Variants in FOXJ1 observed in about 807,000 individuals in gnomAD.
The protein encoded by FOXJ1 is forkhead box J1.
In FOXJ1, 8 loss-of-function variants were observed where a neutral mutation model predicts 29.3. That is an observed-to-expected ratio of 0.27 (90% confidence interval 0.16 to 0.49). The LOEUF (loss-of-function observed/expected upper bound fraction) is 0.49, where lower values mean the gene tolerates loss of function less well. FOXJ1 is among the 20% of genes least tolerant of loss of function. The probability of loss-of-function intolerance (pLI) is 0.98; values close to 1 mark genes in which losing one functional copy is unlikely to be tolerated. For synonymous variants in FOXJ1, 280 were observed against 278.7 expected (o/e 1.00, Z -0.05); for missense variants, 539 against 595.5 (o/e 0.91, Z 0.99).
rs780778301 is a variant in FOXJ1 at position 76,138,151 on chromosome 17, G to A, written c.499-31C>T. The A allele has an allele frequency of 8.1e-6, 13 of 1,609,462 alleles. No homozygotes were observed. In the Admixed American group the frequency reaches 1.0e-4, roughly 12 times the overall value. On this transcript the variant is annotated intron_variant, in intron 2 of 2. Coordinates refer to ENST00000322957, the MANE Select transcript of FOXJ1 (RefSeq NM_001454.4). ...TGCAGGGAGAGAGCAAGAGAGAGAG[G>A]AACCGCTAGGTCAGTGGGGACGGGG...
chr17:76,138,192 T>TG, intron 2 of FOXJ1, 72 bp from the exon 3 acceptor site: 1 of 1,502,228 alleles, frequency 6.7e-7, no homozygotes, highest in Non-Finnish European at 9.2e-7. Context: ...AAATGGCACC[T>TG]GGCGCTGCTG....
Position 76,137,336 on chromosome 17 carries a change from G to A in FOXJ1, c.*17C>T. 1 of 1,468,822 alleles carries A rather than the reference G, an allele frequency of 6.8e-7. No homozygotes were observed. The highest frequency in any genetic ancestry group is 1.4e-5 in the African/African-American group (1 of 71,382). The allele number at this position is 1,468,822 out of a possible 1,614,324, so 91.0% of individuals were successfully genotyped here. On this transcript the variant is annotated 3_prime_UTR_variant, in exon 3 of 3. Coordinates refer to ENST00000322957, the MANE Select transcript of FOXJ1 (RefSeq NM_001454.4). This position sits in a 1 kb window ranked among gnomAD's most constrained non-coding sequence, Gnocchi z 9.5. ...CTGACTTGGGCACTGTCCAGAGGTG[G>A]GGCAGGGCCTGGCCTCTTACAAGAA...
At position 76,139,813 on chromosome 17, in the gene FOXJ1, T is replaced by C. The variant is rs369945060; in HGVS notation, c.498+85A>G. 2.1e-4 allele frequency: 305 copies of C among 1,466,030 alleles called. 2 individuals carry two copies. In the African/African-American group the frequency reaches 3.4e-3, roughly 16 times the overall value. The allele number at this position is 1,466,030 out of a possible 1,614,324, so 90.8% of individuals were successfully genotyped here. A position where few individuals can be genotyped will look rare whatever the true frequency, so the allele number is the denominator to read the frequency against. ...GCCGCACCGCAGAGCCTACTTGGCC[T>C]GCAGATTTGGGATATGAATCCAGTG... is the stretch of plus-strand genomic sequence containing the variant. On this transcript the variant is annotated intron_variant, in intron 2 of 2. Coordinates refer to ENST00000322957, the MANE Select transcript of FOXJ1 (RefSeq NM_001454.4). This position sits in a 1 kb window ranked among gnomAD's most constrained non-coding sequence, Gnocchi z 6.6.
Position 76,140,430 on chromosome 17 carries a change from C to A in FOXJ1, c.-35G>T. The A allele has an allele frequency of 7.2e-7, 1 of 1,393,446 alleles. No homozygotes were observed. 86.3% of individuals were successfully genotyped at this position (1,393,446 alleles called of 1,614,324 possible). ...GACTCTCCGAGGGGGCGGTCAGCAT[C>A]CACGGGCTGAGCCGGGGGTGGCCCG... On this transcript the variant is annotated 5_prime_UTR_variant, in exon 2 of 3. Transcript: ENST00000322957. This position sits in a 1 kb window ranked among gnomAD's most constrained non-coding sequence, Gnocchi z 8.0.
chr17:76,139,068 G>C lies in FOXJ1; in HGVS notation c.498+830C>G, dbSNP rs1050082938. Among the ~76,000 whole-genome samples the C allele has an allele frequency of 6.6e-6, 1 of 152,186 alleles. No individual in the cohort carries two copies. Among genetic ancestry groups the C allele is most frequent in the African/African-American group, 2.4e-5 (1 of 41,434 alleles). On this transcript the variant is annotated intron_variant, in intron 2 of 2. Transcript: ENST00000322957. This position sits in a 1 kb window ranked among gnomAD's most constrained non-coding sequence, Gnocchi z 6.6. ...TTGTCCAAAGCCTGCTGGGGGACAG[G>C]GGTCCTGGGCTGGGACGGCAGGGCA...
rs201514684 is a variant in FOXJ1 at position 76,138,038 on chromosome 17, A to T, written c.581T>A (p.Phe194Tyr). Residue 194 changes from phenylalanine to tyrosine, a missense_variant, in exon 3 of 3, where the codon TTC (phenylalanine) becomes TAC (tyrosine). Physicochemically the swap from Phe to Tyr is conservative, Grantham distance 22. Coordinates refer to ENST00000322957, the MANE Select transcript of FOXJ1 (RefSeq NM_001454.4). ...CGCGTACTGGGGGTCAATGCGCCAG[A>T]AGCCCCCCTTGCCTGGTTCGTCCTT... is the stretch of plus-strand genomic sequence containing the variant. ...REKDEPGKGG[F>Y]WRIDPQYAER... 3.7e-6 allele frequency: 6 copies of T among 1,613,804 alleles called. No individual in the cohort carries two copies. Among genetic ancestry groups the T allele is most frequent in the Non-Finnish European group, 5.1e-6 (6 of 1,180,020 alleles).
rs1270054584 is a variant in FOXJ1, at chr17:76,137,979, G to A, written c.640C>T (p.Arg214Ter). 1 of 1,603,474 alleles carries A rather than the reference G, an allele frequency of 6.2e-7. No homozygotes were observed. Among genetic ancestry groups the A allele is most frequent in the East Asian group, 2.2e-5 (1 of 44,672 alleles). The change falls in exon 3 of 3, where the codon CGA becomes TGA. Residue 214 changes from arginine (R) to a stop codon, truncating the protein, a stop_gained. Transcript: ENST00000322957. LOFTEE classifies it high-confidence loss of function. The surrounding 1 kb of genome is among the most constrained non-coding windows in gnomAD (Gnocchi z 9.5). ...GGGTGGATGTGGACAGGGGGCAGTC[G>A]CCGCTTCTTGAAAGCGCCGCTCAGT... Reference protein sequence around the residue: ...RLLSGAFKKRRLPPVHIHPAF... With the variant: ...RLLSGAFKKR
At chr17:76,138,244 G>GT in intron 2 of FOXJ1, 124 bp from the exon 3 acceptor site, 1 of 1,065,706 alleles carries the variant, frequency 9.4e-7, no homozygotes, top group Non-Finnish European at 1.4e-6. Flanking sequence ...AGGAGGGGGG[G>GT]ACAGACACAC....
At position 76,140,441 on chromosome 17, in the gene FOXJ1, G is replaced by C; in HGVS notation, c.-46C>G. The C allele has an allele frequency of 1.5e-6, 2 of 1,371,350 alleles. No homozygotes were observed. Among genetic ancestry groups the C allele is most frequent in the South Asian group, 1.7e-5 (1 of 60,242 alleles). 84.9% of individuals were successfully genotyped at this position (1,371,350 alleles called of 1,614,324 possible). ...GGGGCGGTCAGCATCCACGGGCTGAGCCGGGGGTGGCCCGCCGCGCTCTCT... is the reference window on the plus strand; with the variant it reads ...GGGGCGGTCAGCATCCACGGGCTGACCCGGGGGTGGCCCGCCGCGCTCTCT... On this transcript the variant is annotated 5_prime_UTR_variant, in exon 2 of 3. Transcript: ENST00000322957. The surrounding 1 kb of genome is among the most constrained non-coding windows in gnomAD (Gnocchi z 8.0).
At chr17:76,138,238 G>T (rs2068492782) in intron 2 of FOXJ1, 118 bp from the exon 3 acceptor site, 4 of 1,028,260 alleles carry the variant, frequency 3.9e-6, no homozygotes, top group Non-Finnish European at 5.5e-6. Context: ...GGGGAGAGGA[G>T]GGGGGGACAG....
At position 76,140,204 on chromosome 17, in the gene FOXJ1, C is replaced by T. The variant is rs772042573; in HGVS notation, c.192G>A (p.Gln64=). The change falls in exon 2 of 3, where the codon CAG becomes CAA. Residue 64 remains glutamine, a synonymous_variant. Coordinates refer to ENST00000322957, the MANE Select transcript of FOXJ1 (RefSeq NM_001454.4). The surrounding 1 kb of genome is among the most constrained non-coding windows in gnomAD (Gnocchi z 8.0). ...ACCCGGGCGCCGCTGAACCTGGCACCTGGTGGTAGCCGTGGGGGTCGGTGC... is the reference window on the plus strand; with the variant it reads ...ACCCGGGCGCCGCTGAACCTGGCACTTGGTGGTAGCCGTGGGGGTCGGTGC... ...PGGTDPHGYH[Q]VPGSAAPGSP... The T allele has an allele frequency of 1.4e-6, 2 of 1,447,560 alleles. No individual in the cohort carries two copies. The highest frequency in any genetic ancestry group is 2.6e-5 in the East Asian group (1 of 38,080). The allele number at this position is 1,447,560 out of a possible 1,614,324, so 89.7% of individuals were successfully genotyped here.
chr17:76,137,457 C>T lies in FOXJ1; in HGVS notation c.1162G>A (p.Glu388Lys), dbSNP rs1334421738. Residue 388 changes from glutamate to lysine, a missense_variant, in exon 3 of 3, where the codon GAG becomes AAG. Physicochemically the swap from Glu to Lys is moderately conservative, Grantham distance 56. This residue lies in a region of FOXJ1 where 302 missense variants were observed against 293.6 expected (regional missense o/e 1.03). Coordinates refer to ENST00000322957, the MANE Select transcript of FOXJ1 (RefSeq NM_001454.4). The surrounding 1 kb of genome is among the most constrained non-coding windows in gnomAD (Gnocchi z 9.5). The part of the protein sequence containing the change: ...ATSFLQHPWD[E>K]SGSGCLPPEP... ...GGGGGCAGGCAGCCACTGCCGCTCT[C>T]GTCCCAGGGGTGCTGCAGGAAGGAT... 46 of 1,559,806 alleles carry T rather than the reference C, an allele frequency of 2.9e-5. No individual in the cohort carries two copies. Among genetic ancestry groups the T allele is most frequent in the Non-Finnish European group, 3.7e-5 (43 of 1,155,164 alleles).
intron 2 of FOXJ1, among the ~76,000 whole-genome samples, chr17:76,138,573 G>A (rs931216712): frequency 1.3e-5 from 2 of 152,040 alleles, no homozygotes; most frequent in Admixed American, 6.6e-5. Flanking sequence ...GGAGAGGAAG[G>A]GGGAGAGAGA....
In FOXJ1 at chr17:76,140,239, G is replaced by A. The variant is rs750029084; in HGVS notation, c.157C>T (p.Pro53Ser). The change falls in exon 2 of 3, where the codon CCC becomes TCC. Residue 53 changes from proline (P) to serine (S), a missense_variant. By Grantham distance (74) the Pro-to-Ser change is moderately conservative. Coordinates refer to ENST00000322957, the MANE Select transcript of FOXJ1 (RefSeq NM_001454.4). The surrounding 1 kb of genome is among the most constrained non-coding windows in gnomAD (Gnocchi z 8.0). ...CCGTGGGGGTCGGTGCCCCCCGGGG[G>A]CAGGGCGGGGGCCTTGGCGTTGAGA... ...SILNAKAPAL[P>S]PGGTDPHGYH... 2.1e-6 allele frequency: 3 copies of A among 1,461,534 alleles called. No homozygotes were observed. In the East Asian group the frequency reaches 7.9e-5, roughly 38 times the overall value. The allele number at this position is 1,461,534 out of a possible 1,614,324, so 90.5% of individuals were successfully genotyped here.
Position 76,137,227 on chromosome 17 carries a change from T to C in FOXJ1, c.*126A>G. On this transcript the variant is annotated 3_prime_UTR_variant, in exon 3 of 3. Transcript: ENST00000322957. This position sits in a 1 kb window ranked among gnomAD's most constrained non-coding sequence, Gnocchi z 9.5. ...CTGGGGCTGGTGGCCATGTGGCCTC[T>C]GGGGCAAGCCTTGGAGCCCTGGCCC... 1.2e-6 allele frequency: 1 copy of C among 868,194 alleles called. No individual in the cohort carries two copies. The highest frequency in any genetic ancestry group is 1.7e-5 in the African/African-American group (1 of 57,642). The allele number at this position is 868,194 out of a possible 1,614,324, so 53.8% of individuals were successfully genotyped here.
Position 76,140,174 on chromosome 17 carries a change from G to A in FOXJ1, c.222C>T (p.Pro74=), listed in dbSNP as rs577135004. 3 of 1,458,938 alleles carry A rather than the reference G, an allele frequency of 2.1e-6. No individual in the cohort carries two copies. Among genetic ancestry groups the A allele is most frequent in the Admixed American group, 2.9e-5 (1 of 34,434 alleles). 90.4% of individuals were successfully genotyped at this position (1,458,938 alleles called of 1,614,324 possible). A position where few individuals can be genotyped will look rare whatever the true frequency, so the allele number is the denominator to read the frequency against. The change falls in exon 2 of 3, where the codon CCC becomes CCT. Residue 74 remains proline (P), a synonymous_variant. Coordinates refer to ENST00000322957, the MANE Select transcript of FOXJ1 (RefSeq NM_001454.4). The surrounding 1 kb of genome is among the most constrained non-coding windows in gnomAD (Gnocchi z 8.0). ...CCAGGCAGGCGGGGTCGGCCGCCAG[G>A]GGGGACCCGGGCGCCGCTGAACCTG... ...QVPGSAAPGS[P]LAADPACLGQ...
chr17:76,140,068 CG>C lies in FOXJ1; in HGVS notation c.327del (p.Asp110ThrfsTer11). 3 of 1,606,878 alleles carry C rather than the reference CG, an allele frequency of 1.9e-6. No individual in the cohort carries two copies. The highest frequency in any genetic ancestry group is 8.5e-7 in the Non-Finnish European group (1 of 1,179,766). On this transcript the variant is annotated frameshift_variant, in exon 2 of 3. Transcript: ENST00000322957. LOFTEE classifies it high-confidence loss of function. This position sits in a 1 kb window ranked among gnomAD's most constrained non-coding sequence, Gnocchi z 8.0. ...GGATTGGTGGCGTAGTCCACGTCGTCGGGGGGTGGGGCCTGCAGCCCCGGGG... is the reference window on the plus strand; with the variant it reads ...GGATTGGTGGCGTAGTCCACGTCGTCGGGGGTGGGGCCTGCAGCCCCGGGG... The part of the protein sequence containing the change: ...SAPPGLQAPP[P>X]DDVDYATNPH...
In FOXJ1 at chr17:76,140,481, C is replaced by G. The variant is rs760142961; in HGVS notation, c.-86G>C. 8.2e-7 allele frequency: 1 copy of G among 1,218,488 alleles called. No homozygotes were observed. The highest frequency in any genetic ancestry group is 1.1e-6 in the Non-Finnish European group (1 of 937,964). 75.5% of individuals were successfully genotyped at this position (1,218,488 alleles called of 1,614,324 possible). ...CCGCGCTCTCTGGCCCGCTGAGTCC[C>G]GCAGCTCCCGTTACACGGCCTCCCG... is the stretch of plus-strand genomic sequence containing the variant. On this transcript the variant is annotated 5_prime_UTR_variant, in exon 2 of 3. Coordinates refer to ENST00000322957, the MANE Select transcript of FOXJ1 (RefSeq NM_001454.4). The surrounding 1 kb of genome is among the most constrained non-coding windows in gnomAD (Gnocchi z 8.0).
At position 76,137,726 on chromosome 17, in the gene FOXJ1, T is replaced by C; in HGVS notation, c.893A>G (p.Glu298Gly). Residue 298 changes from glutamate (E) to glycine (G), a missense_variant, in exon 3 of 3, where the codon GAG becomes GGG. Glu to Gly is a moderately conservative substitution (Grantham distance 98). This residue lies in a region of FOXJ1 where 302 missense variants were observed against 293.6 expected (regional missense o/e 1.03). Coordinates refer to ENST00000322957, the MANE Select transcript of FOXJ1 (RefSeq NM_001454.4). The surrounding 1 kb of genome is among the most constrained non-coding windows in gnomAD (Gnocchi z 9.5). ...PPSTLLPTPE[E>G]QGELEPLKGN... is the part of the protein sequence containing the mutation. ...TTTGAGGGGTTCCAGCTCACCCTGCTCCTCCGGGGTGGGCAGCAGGGTGCT... is the reference window on the plus strand; with the variant it reads ...TTTGAGGGGTTCCAGCTCACCCTGCCCCTCCGGGGTGGGCAGCAGGGTGCT... 1.2e-6 allele frequency: 2 copies of C among 1,611,538 alleles called. No homozygotes were observed. The highest frequency in any genetic ancestry group is 1.7e-6 in the Non-Finnish European group (2 of 1,179,082).
Sources: gnomAD v4.1 joint callset for allele counts (sites outside exome capture counted in the v4.1 genomes callset) on GRCh38, gnomAD v4.1.1 for gene constraint, gnomAD v4.1.1 regional missense constraint, Gnocchi (gnomAD v3.1) non-coding constraint, MANE v1.5 for transcripts, NCBI Gene and HGNC (gene_info 2026-07-23, HGNC 2026-07-21) for gene names.